Variants in MYO1E observed in about 807,000 individuals in gnomAD.
The protein encoded by MYO1E is myosin IE, also known as unconventional myosin-Ie.
A neutral mutation model predicts 151.1 loss-of-function variants in MYO1E; 68 were observed. The observed-to-expected ratio is 0.45, with a 90% CI of 0.37 to 0.55. The LOEUF is 0.55. Ranked by LOEUF, MYO1E falls within the 20% of genes least tolerant of loss-of-function variation. The pLI is 0.00. For missense variants in MYO1E, 1,363 were observed against 1,389.3 expected, an observed-to-expected ratio of 0.98 and a Z score of 0.30; for synonymous variants, 601 against 501.7, an observed-to-expected ratio of 1.20 and a Z score of -2.64.
intron 1 of MYO1E, among the ~76,000 whole-genome samples, chr15:59,302,785 A>C (rs538859076): frequency 6.6e-6 from 1 of 152,326 alleles, no homozygotes; most frequent in African/African-American, 2.4e-5. Context: ...ACACTATATA[A>C]ATTATACAAA....
chr15:59,372,459 C>T (rs2080953104), intron 1 of MYO1E, 39 bp downstream of exon 1: 2 of 1,537,222 alleles, frequency 1.3e-6, no homozygotes, highest in African/African-American at 1.4e-5. Context: ...TGCCCCGTCC[C>T]CGGGTCCGGC....
chr15:59,362,072 G>T (rs1377763665), intron 1 of MYO1E, among the ~76,000 whole-genome samples: 1 of 151,940 alleles, frequency 6.6e-6, no homozygotes, highest in African/African-American at 2.4e-5. Flanking sequence ...CCTGACCTCA[G>T]GTGATCCACC....
chr15:59,169,572 T>C (rs1402669136), intron 22 of MYO1E, among the ~76,000 whole-genome samples: 1 of 152,206 alleles, frequency 6.6e-6, no homozygotes, highest in African/African-American at 2.4e-5. Flanking sequence ...TTTCTTTTTT[T>C]TTCCTTAGAG....
At chr15:59,217,212 C>T (rs899018455) in intron 10 of MYO1E, among the ~76,000 whole-genome samples, 1 of 152,160 alleles carries the variant, frequency 6.6e-6, no homozygotes, top group African/African-American at 2.4e-5. Flanking sequence ...GGTTTCAAGC[C>T]GCTAGGTTTT....
rs565859240 is a variant in MYO1E at position 59,308,120 on chromosome 15, G to A, written c.4-35671C>T. Among the ~76,000 whole-genome samples the A allele has an allele frequency of 2.1e-4, 31 of 149,974 alleles. 2 individuals are homozygous for A. The South Asian group carries it at 5.3e-3, about 25-fold the overall frequency. On this transcript the variant is annotated intron_variant, in intron 1 of 27. Transcript: ENST00000288235. ...CATCTGTAGTCCCAGCTACTCGGGA[G>A]GCTGAGGCATGAGAATCACCTGAAC...
chr15:59,156,469 G>A (rs2079510321), intron 25 of MYO1E, among the ~76,000 whole-genome samples: 1 of 152,230 alleles, frequency 6.6e-6, no homozygotes, highest in South Asian at 2.1e-4. Flanking sequence ...ATAGGCATGA[G>A]CCACTGCGCC....
intron 1 of MYO1E, among the ~76,000 whole-genome samples, chr15:59,301,658 T>A (rs574137915): frequency 6.6e-6 from 1 of 152,360 alleles, no homozygotes; most frequent in South Asian, 2.1e-4. Context: ...TTATTGTGGC[T>A]AAGTCCATAT....
At chr15:59,321,595 AC>A (rs1257341252) in intron 1 of MYO1E, among the ~76,000 whole-genome samples, 2 of 152,162 alleles carry the variant, frequency 1.3e-5, no homozygotes, top group African/African-American at 4.8e-5. Flanking sequence ...AAATTCAAAT[AC>A]CCTATGTTCT....
intron 1 of MYO1E, among the ~76,000 whole-genome samples, chr15:59,316,717 C>T (rs1489642951): frequency 2.6e-5 from 4 of 152,246 alleles, no homozygotes; most frequent in Middle Eastern, 3.4e-3. Context: ...CTCTTGCTTT[C>T]CATAGCGAAC....
At chr15:59,269,828 T>A (rs1283267868) in intron 2 of MYO1E, among the ~76,000 whole-genome samples, 1 of 151,360 alleles carries the variant, frequency 6.6e-6, no homozygotes, top group Non-Finnish European at 1.5e-5. Context: ...CACTTCAGCC[T>A]GGCGAGAGAG....
intron 22 of MYO1E, among the ~76,000 whole-genome samples, chr15:59,166,097 TC>T (rs2079561562): frequency 6.6e-6 from 1 of 152,202 alleles, no homozygotes; most frequent in African/African-American, 2.4e-5. Flanking sequence ...TCAGCATGAA[TC>T]TAGAAATGAG....
At chr15:59,348,045 T>C (rs1200618715) in intron 1 of MYO1E, among the ~76,000 whole-genome samples, 5 of 152,200 alleles carry the variant, frequency 3.3e-5, no homozygotes, top group African/African-American at 4.8e-5. Context: ...AAAACAGATT[T>C]TGAAGCCTCA....
chr15:59,291,057 C>CA (rs1324153363), intron 1 of MYO1E, among the ~76,000 whole-genome samples: 2 of 152,222 alleles, frequency 1.3e-5, no homozygotes, highest in African/African-American at 4.8e-5. Context: ...AAGTCAACAT[C>CA]ACCACCTCAA....
intron 1 of MYO1E, 117 bp from the exon 2 acceptor site, chr15:59,272,566 G>A: frequency 8.8e-7 from 1 of 1,136,614 alleles, no homozygotes; most frequent in Non-Finnish European, 1.3e-6. Context: ...AAAGAGCAGT[G>A]CAGAGAAAGA....
At chr15:59,206,502 A>C (rs1326886832) in intron 14 of MYO1E, among the ~76,000 whole-genome samples, 1 of 152,220 alleles carries the variant, frequency 6.6e-6, no homozygotes, top group Non-Finnish European at 1.5e-5. Context: ...GAGATGGTGC[A>C]GGCAGCCACC....
intron 26 of MYO1E, among the ~76,000 whole-genome samples, chr15:59,140,866 T>C (rs1275516591): frequency 1.3e-5 from 2 of 151,994 alleles, no homozygotes; most frequent in Admixed American, 6.5e-5. Context: ...CTACTCAGGC[T>C]CCACTCCTCC....
chr15:59,282,150 T>C (rs558666730), intron 1 of MYO1E, among the ~76,000 whole-genome samples: 33 of 152,326 alleles, frequency 2.2e-4, no homozygotes, highest in African/African-American at 7.0e-4. Context: ...CTGTTCGATT[T>C]CCCAAATGCA....
At chr15:59,343,896 T>C (rs2080779586) in intron 1 of MYO1E, among the ~76,000 whole-genome samples, 1 of 152,214 alleles carries the variant, frequency 6.6e-6, no homozygotes, top group Non-Finnish European at 1.5e-5. Context: ...ATGTATCTGA[T>C]AATATTCTGA....
intron 2 of MYO1E, chr15:59,265,080 T>C (rs1307049322): frequency 6.6e-6 from 1 of 152,222 alleles, no homozygotes; most frequent in African/African-American, 2.4e-5. Flanking sequence ...GTAAACCCAA[T>C]TTTAAAGAAA....
Sources: gnomAD v4.1 joint callset for allele counts (sites outside exome capture counted in the v4.1 genomes callset) on GRCh38, gnomAD v4.1.1 for gene constraint, MANE v1.5 for transcripts, NCBI Gene and HGNC (gene_info 2026-07-23, HGNC 2026-07-21) for gene names.